The following PAM variants were observed in gnomAD, a reference collection of about 807,000 sequenced individuals.
PAM encodes peptidylglycine alpha-amidating monooxygenase.
In PAM, 72 loss-of-function variants were observed where a neutral mutation model predicts 122.1. The ratio of observed to expected loss-of-function variants is 0.59; its 90% CI spans 0.49 to 0.72. The LOEUF (loss-of-function observed/expected upper bound fraction) is 0.72, where lower values mean the gene tolerates loss of function less well. Among genes scored for constraint, PAM ranks in the 30% least tolerant of loss-of-function variants. PAM has a pLI of 0.00. For missense variants in PAM, 1,106 were observed against 1,183.7 expected (o/e 0.93, Z 0.96); for synonymous variants, 389 against 404.4 (o/e 0.96, Z 0.46).
chr5:102,916,176 T>A (rs915978865), intron 5 of PAM, among the ~76,000 whole-genome samples: 1 of 152,102 alleles, frequency 6.6e-6, no homozygotes, highest in Admixed American at 6.6e-5. Flanking sequence ...TACTAGGCCA[T>A]TTTTAAAGCC....
At chr5:102,872,350 A>G (rs1259033908) in intron 3 of PAM, among the ~76,000 whole-genome samples, 2 of 152,216 alleles carry the variant, frequency 1.3e-5, no homozygotes, top group African/African-American at 4.8e-5. Context: ...CTTATTTTAA[A>G]ATATTGATGA....
chr5:102,975,197 C>T (rs1157480176), intron 15 of PAM, among the ~76,000 whole-genome samples: 1 of 152,134 alleles, frequency 6.6e-6, no homozygotes, highest in African/African-American at 2.4e-5. Context: ...CCAGATAATA[C>T]AGCATGTGGA....
At chr5:102,888,076 G>T (rs138544325) in intron 3 of PAM, among the ~76,000 whole-genome samples, 196 of 152,120 alleles carry the variant, frequency 1.3e-3, no homozygotes, top group South Asian at 2.7e-3. Context: ...TTCTTCACCA[G>T]ACTGCAGACT....
intron 15 of PAM, among the ~76,000 whole-genome samples, chr5:102,987,051 A>AT (rs902632037): frequency 6.6e-6 from 1 of 152,146 alleles, no homozygotes. Context: ...TACCAATGAC[A>AT]TTTTTCACAA....
chr5:102,921,839 G>A (rs959948230), intron 5 of PAM, among the ~76,000 whole-genome samples: 24 of 152,090 alleles, frequency 1.6e-4, no homozygotes, highest in African/African-American at 5.8e-4. Flanking sequence ...TGAGATAGAA[G>A]GGACTGTGAC....
intron 1 of PAM, among the ~76,000 whole-genome samples, chr5:102,823,400 C>T (rs572387410): frequency 1.8e-4 from 28 of 152,008 alleles, no homozygotes; most frequent in Middle Eastern, 3.4e-3. Context: ...TAAACCCCTA[C>T]TTTAAAAAAA....
intron 3 of PAM, among the ~76,000 whole-genome samples, chr5:102,900,088 T>C (rs1797267800): frequency 6.6e-6 from 1 of 151,520 alleles, no homozygotes; most frequent in Non-Finnish European, 1.5e-5. Context: ...CTGAAGTAAC[T>C]GCTCTAAGAG....
At chr5:102,916,082 G>T (rs373441734) in intron 5 of PAM, among the ~76,000 whole-genome samples, 19 of 152,266 alleles carry the variant, frequency 1.2e-4, no homozygotes, top group African/African-American at 4.3e-4. Flanking sequence ...GGAAAGAGCA[G>T]TGAACTAACT....
In PAM at chr5:102,930,012, A is replaced by G. The variant is rs1400049722; in HGVS notation, c.526+3344A>G. On this transcript the variant is annotated intron_variant, in intron 7 of 25. Coordinates refer to ENST00000438793, the MANE Select transcript of PAM (RefSeq NM_001177306.2). ...GTTTTAGACTGTGATCTTCCTTAGTATGAAAAGATTGGCTGTGATTTTAGA... is the reference window on the plus strand; with the variant it reads ...GTTTTAGACTGTGATCTTCCTTAGTGTGAAAAGATTGGCTGTGATTTTAGA... Among the ~76,000 whole-genome samples, 5 of 152,286 alleles carry G rather than the reference A, an allele frequency of 3.3e-5. No homozygotes were observed. The East Asian group carries it at 9.6e-4, about 29-fold the overall frequency.
chr5:102,946,740 T>C, intron 7 of PAM, 97 bp from the exon 8 acceptor site: 1 of 750,242 alleles, frequency 1.3e-6, no homozygotes, highest in Non-Finnish European at 2.3e-6. Context: ...AACTTGTGTT[T>C]TAAAATATTT....
chr5:102,852,564 C>A (rs916759852), intron 1 of PAM, among the ~76,000 whole-genome samples: 7 of 151,268 alleles, frequency 4.6e-5, no homozygotes, highest in Non-Finnish European at 7.4e-5. Flanking sequence ...GTTAGTCGCA[C>A]CAGGATCAAA....
chr5:103,015,031 A>G (rs1338472015), intron 21 of PAM, among the ~76,000 whole-genome samples: 3 of 152,228 alleles, frequency 2.0e-5, no homozygotes, highest in Admixed American at 2.0e-4. Flanking sequence ...CATTTTTCCA[A>G]CCTTCACAGT....
intron 12 of PAM, among the ~76,000 whole-genome samples, chr5:102,954,316 C>T (rs1287573633): frequency 6.6e-6 from 1 of 151,834 alleles, no homozygotes; most frequent in Non-Finnish European, 1.5e-5. Flanking sequence ...ACTCTTCCCT[C>T]CTGAGTCCCC....
intron 1 of PAM, among the ~76,000 whole-genome samples, chr5:102,814,088 C>T (rs956807595): frequency 7.9e-5 from 12 of 152,136 alleles, no homozygotes; most frequent in African/African-American, 2.9e-4. Context: ...TAGAACTGTT[C>T]CCGTGTGCTT....
At chr5:102,800,715 T>C (rs1247039029) in intron 1 of PAM, among the ~76,000 whole-genome samples, 3 of 152,182 alleles carry the variant, frequency 2.0e-5, no homozygotes, top group Non-Finnish European at 4.4e-5. Flanking sequence ...TTTGAGTCCC[T>C]GGGCTGGCAG....
At chr5:102,975,289 A>G (rs756401976) in intron 15 of PAM, among the ~76,000 whole-genome samples, 1 of 152,226 alleles carries the variant, frequency 6.6e-6, no homozygotes, top group South Asian at 2.1e-4. Flanking sequence ...TGCCAGCTTG[A>G]TGTTTTCAAA....
rs888886934 is a variant in PAM at position 102,835,294 on chromosome 5, T to C, written c.-373-30529T>C. On this transcript the variant is annotated intron_variant, in intron 1 of 25. Coordinates refer to ENST00000438793, the MANE Select transcript of PAM (RefSeq NM_001177306.2). ...CAGGATATTGACTTTGGTGAATATA[T>C]ACAAACTAAATAATAATCAATAACC... 2.0e-5 allele frequency among the ~76,000 whole-genome samples: 3 copies of C among 152,106 alleles called. No homozygotes were observed. In the East Asian group the frequency reaches 5.8e-4, roughly 29 times the overall value.
At chr5:102,909,050 TAAAG>T (rs1800576503) in intron 4 of PAM, among the ~76,000 whole-genome samples, 1 of 151,818 alleles carries the variant, frequency 6.6e-6, no homozygotes, top group Non-Finnish European at 1.5e-5. Context: ...TTTTTGGAAA[TAAAG>T]AAATGTTGAT....
chr5:102,882,548 T>G (rs988119158), intron 3 of PAM, among the ~76,000 whole-genome samples: 9 of 152,086 alleles, frequency 5.9e-5, no homozygotes, highest in African/African-American at 1.9e-4. Context: ...ATTCATGTCC[T>G]TAGCCACTTT....
Sources: allele counts gnomAD v4.1 joint callset (sites outside exome capture counted in the v4.1 genomes callset), GRCh38; gene constraint gnomAD v4.1.1; transcripts MANE v1.5; gene names NCBI Gene and HGNC (gene_info 2026-07-23, HGNC 2026-07-21).